Variants in AP3B2 observed in about 807,000 individuals in gnomAD.
AP3B2 encodes adaptor related protein complex 3 subunit beta 2, also known as AP-3 complex subunit beta-2.
A neutral mutation model predicts 126.9 loss-of-function variants in AP3B2; 50 were observed. That is an observed-to-expected ratio of 0.39 (90% CI 0.31 to 0.50). The LOEUF is 0.50. Among genes scored for constraint, AP3B2 ranks in the 20% least tolerant of loss-of-function variants. AP3B2 has a pLI of 0.79. For synonymous variants in AP3B2, 541 were observed against 565.0 expected (o/e 0.96, Z 0.60); for missense variants, 1,177 against 1,426.4 (o/e 0.83, Z 2.82).
intron 1 of AP3B2, among the ~76,000 whole-genome samples, chr15:82,702,840 T>C (rs2048740657): frequency 6.6e-6 from 1 of 152,126 alleles, no homozygotes; most frequent in Non-Finnish European, 1.5e-5. Flanking sequence ...CCTCCTGCTC[T>C]TTGCTTCATG....
At chr15:82,663,293 A>C (rs1345957725) in intron 21 of AP3B2, 60 bp from the exon 22 acceptor site, 3 of 1,351,796 alleles carry the variant, frequency 2.2e-6, no homozygotes, top group South Asian at 2.4e-5. Flanking sequence ...TTGAGCAGGG[A>C]GCCTAGGGAT....
At position 82,680,295 on chromosome 15, in the gene AP3B2, G is replaced by A. The variant is rs2048313424; in HGVS notation, c.1056-66C>T. 1.4e-5 allele frequency: 22 copies of A among 1,606,356 alleles called. No homozygotes were observed. In the South Asian group the frequency reaches 1.7e-4, roughly 12 times the overall value. On this transcript the variant is annotated intron_variant, in intron 8 of 26. Transcript: ENST00000535359. This position sits in a 1 kb window ranked among gnomAD's most constrained non-coding sequence, Gnocchi z 6.1. ...TGGGGCAAGGGTCAGCGGATGAGGG[G>A]AAAAGGTGGGGCAAGTCGTTGCGGG...
intron 14 of AP3B2, among the ~76,000 whole-genome samples, chr15:82,670,116 G>GT (rs1555465713): frequency 1.6e-5 from 2 of 123,490 alleles, no homozygotes; most frequent in African/African-American, 6.1e-5. Context: ...TTTTTTTGGC[G>GT]GGGGGGGACG....
Position 82,662,162 on chromosome 15 carries a change from A to G in AP3B2, c.2918+6T>C. The G allele has an allele frequency of 6.3e-7, 1 of 1,595,058 alleles. No homozygotes were observed. Among genetic ancestry groups the G allele is most frequent in the Non-Finnish European group, 8.5e-7 (1 of 1,170,070 alleles). The stretch of plus-strand genomic sequence containing the variant: ...CTCTCACCCCCACCTCGAGTTGGGC[A>G]CATACCACAGCTGGAAGTTGGCTGC... On this transcript the variant is annotated splice_donor_region_variant and intron_variant, in intron 24 of 26. Coordinates refer to ENST00000535359, the MANE Select transcript of AP3B2 (RefSeq NM_001278512.2).
intron 25 of AP3B2, among the ~76,000 whole-genome samples, chr15:82,660,724 T>C (rs1408175636): frequency 2.0e-5 from 3 of 152,226 alleles, no homozygotes; most frequent in Admixed American, 6.5e-5. Context: ...CTCCTGTTTC[T>C]TCTATCCCCT....
intron 1 of AP3B2, among the ~76,000 whole-genome samples, chr15:82,690,607 T>C (rs2151450645): frequency 6.6e-6 from 1 of 151,892 alleles, no homozygotes; most frequent in South Asian, 2.1e-4. Context: ...GGTTGCATAG[T>C]ATTCCATGGT....
chr15:82,674,517 C>T (rs149963808), intron 14 of AP3B2, among the ~76,000 whole-genome samples: 2,717 of 152,318 alleles, frequency 0.018, 33 homozygotes, highest in Non-Finnish European at 0.026. Context: ...GCTGTATATA[C>T]CCACAGCTCG....
intron 14 of AP3B2, among the ~76,000 whole-genome samples, chr15:82,675,613 C>T (rs1422249679): frequency 6.6e-6 from 1 of 152,212 alleles, no homozygotes; most frequent in Non-Finnish European, 1.5e-5. Context: ...CTATTCTAGG[C>T]TTTGTGGGCA....
chr15:82,708,431 A>C (rs2048830797), intron 1 of AP3B2, among the ~76,000 whole-genome samples: 2 of 151,232 alleles, frequency 1.3e-5, no homozygotes, highest in Admixed American at 1.3e-4. Flanking sequence ...TGTCCCTCTA[A>C]ACCCCCACCC....
chr15:82,696,950 A>C (rs968183570), intron 1 of AP3B2, among the ~76,000 whole-genome samples: 3 of 152,250 alleles, frequency 2.0e-5, no homozygotes, highest in African/African-American at 7.2e-5. Flanking sequence ...GGGGACTCAC[A>C]CACACTAATT....
Position 82,709,823 on chromosome 15 carries a change from G to A in AP3B2, c.-117C>T, listed in dbSNP as rs2048856079. 2 of 755,180 alleles carry A rather than the reference G, an allele frequency of 2.6e-6. No individual in the cohort carries two copies. The highest frequency in any genetic ancestry group is 3.9e-6 in the Non-Finnish European group (2 of 514,586). 46.8% of individuals were successfully genotyped at this position (755,180 alleles called of 1,614,324 possible). On this transcript the variant is annotated 5_prime_UTR_variant, in exon 1 of 27. Coordinates refer to ENST00000535359, the MANE Select transcript of AP3B2 (RefSeq NM_001278512.2). Reference sequence around the variant, plus strand: ...GCTGGCGAAGGCGGCGGCGCGGCAGGGGTTCAGCAGAGGCTGCAGTGTGCA... The same window carrying A: ...GCTGGCGAAGGCGGCGGCGCGGCAGAGGTTCAGCAGAGGCTGCAGTGTGCA...
intron 23 of AP3B2, 141 bp from the exon 24 acceptor site, chr15:82,662,393 A>G: frequency 1.4e-6 from 1 of 729,122 alleles, no homozygotes; most frequent in Non-Finnish European, 2.3e-6. Context: ...TGGCTGCTGG[A>G]GACTGTTCCC....
At chr15:82,692,243 A>G in intron 1 of AP3B2, 2 of 974,050 alleles carry the variant, frequency 2.1e-6, no homozygotes, top group Admixed American at 2.6e-5. Flanking sequence ...GGCAGTGCCC[A>G]TTCTTAAGCT....
chr15:82,678,744 T>C (rs562002916), intron 10 of AP3B2, among the ~76,000 whole-genome samples: 1 of 152,346 alleles, frequency 6.6e-6, no homozygotes, highest in African/African-American at 2.4e-5. Flanking sequence ...CTCCACACTT[T>C]CTTCCATATT....
chr15:82,701,471 T>C (rs1272609013), intron 1 of AP3B2, among the ~76,000 whole-genome samples: 2 of 152,116 alleles, frequency 1.3e-5, no homozygotes, highest in Admixed American at 1.3e-4. Flanking sequence ...CTGAGTGAGG[T>C]TCTCCTCCAG....
In AP3B2 at chr15:82,663,685, TAGA is replaced by T. The variant is rs549740783; in HGVS notation, c.2437-68_2437-66del. On this transcript the variant is annotated intron_variant, in intron 20 of 26. Coordinates refer to ENST00000535359, the MANE Select transcript of AP3B2 (RefSeq NM_001278512.2). ...GCACCTTGGCATGTTCTGGGTTGGG[TAGA>T]AGATGTCATGTTCTGTTCTGGATGG... The T allele has an allele frequency of 8.1e-5, 130 of 1,611,144 alleles. No homozygotes were observed. The African/African-American group carries it at 1.4e-3, about 18-fold the overall frequency.
At position 82,667,018 on chromosome 15, in the gene AP3B2, T is replaced by G. The variant is rs562830338; in HGVS notation, c.1666-85A>C. On this transcript the variant is annotated intron_variant, in intron 14 of 26. Transcript: ENST00000535359. ...AAACAGATTCTTTAAGCCGACACTTTCAGGCAGAACGTCTCCTCTCCCTGC... is the reference window on the plus strand; with the variant it reads ...AAACAGATTCTTTAAGCCGACACTTGCAGGCAGAACGTCTCCTCTCCCTGC... The G allele has an allele frequency of 1.5e-4, 217 of 1,404,546 alleles. No individual in the cohort carries two copies. The African/African-American group carries it at 2.8e-3, about 18-fold the overall frequency. 87.0% of individuals were successfully genotyped at this position (1,404,546 alleles called of 1,614,324 possible).
At chr15:82,660,427 T>G (rs1247445628) in intron 25 of AP3B2, among the ~76,000 whole-genome samples, 1 of 152,182 alleles carries the variant, frequency 6.6e-6, no homozygotes, top group African/African-American at 2.4e-5. Context: ...CTGTGATCTC[T>G]CAGCCAGAAT....
chr15:82,660,105 G>T, intron 25 of AP3B2, 122 bp from the exon 26 acceptor site: 1 of 1,256,590 alleles, frequency 8.0e-7, no homozygotes, highest in Non-Finnish European at 1.1e-6. Flanking sequence ...GGGCAGGTCA[G>T]AATTTAAATC....
Sources: gnomAD v4.1 joint callset for allele counts (sites outside exome capture counted in the v4.1 genomes callset) on GRCh38, gnomAD v4.1.1 for gene constraint, Gnocchi (gnomAD v3.1) non-coding constraint, MANE v1.5 for transcripts, NCBI Gene and HGNC (gene_info 2026-07-23, HGNC 2026-07-21) for gene names.